ZNF44: variants seen among roughly 807,000 people sequenced by gnomAD.
ZNF44 encodes zinc finger protein 44, also known as gonadotropin inducible transcription repressor-2.
ZNF44 carries 9 observed loss-of-function variants against 11.7 expected under a neutral mutation model. The ratio of observed to expected loss-of-function variants is 0.77; its 90% CI spans 0.46 to 1.35. The LOEUF is 1.35. Ranked by LOEUF, ZNF44 falls within the 40% of genes most tolerant of loss-of-function variation. The pLI is 0.00. For missense variants in ZNF44, 696 were observed against 743.1 expected, an observed-to-expected ratio of 0.94 and a Z score of 0.74; for synonymous variants, 224 against 242.7, an observed-to-expected ratio of 0.92 and a Z score of 0.72.
intron 5 of ZNF44, among the ~76,000 whole-genome samples, chr19:12,251,817 C>T (rs538295971): frequency 1.0e-3 from 154 of 152,088 alleles, no homozygotes; most frequent in African/African-American, 3.5e-3. Context: ...TTTGGGGGGC[C>T]GAGGCAGGCA....
chr19:12,259,928 C>A (rs1917430359), intron 5 of ZNF44, among the ~76,000 whole-genome samples: 1 of 152,198 alleles, frequency 6.6e-6, no homozygotes. Flanking sequence ...CTAATGGCTG[C>A]TGTTCCCCAC....
intron 1 of ZNF44, among the ~76,000 whole-genome samples, chr19:12,235,233 G>C (rs1245375172): frequency 6.6e-6 from 1 of 152,148 alleles, no homozygotes; most frequent in Non-Finnish European, 1.5e-5. Context: ...GCCGGGCGTG[G>C]TAGCAGGCGC....
chr19:12,233,550 C>CAAAAA (rs58060175), intron 2 of ZNF44, among the ~76,000 whole-genome samples: 1 of 80,836 alleles, frequency 1.2e-5, no homozygotes, highest in Non-Finnish European at 2.6e-5. Context: ...ACCCATACAT[C>CAAAAA]AAAAAAAAAA....
intron 7 of ZNF44, among the ~76,000 whole-genome samples, chr19:12,249,728 T>C (rs1012638258): frequency 6.6e-6 from 1 of 151,892 alleles, no homozygotes; most frequent in Non-Finnish European, 1.5e-5. Context: ...AATTTTGTAT[T>C]TTTAGTAGAG....
At chr19:12,293,246 G>A in intron 1 of ZNF44, 2 of 1,536,592 alleles carry the variant, frequency 1.3e-6, no homozygotes, top group Non-Finnish European at 1.7e-6. Context: ...TCCTTTGGGA[G>A]GCCCCACTCC....
chr19:12,273,701 C>G lies in ZNF44; in HGVS notation c.554G>C (p.Arg185Pro). 1 of 1,614,150 alleles carries G rather than the reference C, an allele frequency of 6.2e-7. No homozygotes were observed. The highest frequency in any genetic ancestry group is 8.5e-7 in the Non-Finnish European group (1 of 1,180,016). The stretch of plus-strand genomic sequence containing the variant: ...TCCACCTTTTACTACCATATGTCTT[C>G]GAAGGTTTCCAGGAGAACTGAAGGT... ...GKTFSSPGNL[R>P]RHMVVKGGDG... The change falls in exon 4 of 4, where the codon CGA (arginine) becomes CCA (proline). Residue 185 changes from arginine to proline, a missense_variant. Arg to Pro is a moderately radical substitution (Grantham distance 103). Transcript: ENST00000355684.
exon 6 of ZNF44, chr19:12,250,331 G>A (rs758913897): frequency 7.3e-7 from 1 of 1,366,312 alleles, no homozygotes; most frequent in Non-Finnish European, 9.8e-7. Flanking sequence ...TTCCTCCTGG[G>A]TGAAGTTCAC....
intron 5 of ZNF44, among the ~76,000 whole-genome samples, chr19:12,254,763 AAAAT>A (rs1917172600): frequency 6.6e-6 from 1 of 151,636 alleles, no homozygotes; most frequent in Admixed American, 6.6e-5. Context: ...AATAAAATAA[AAAAT>A]AAATGAATGA....
At chr19:12,293,305 A>C in intron 1 of ZNF44, 2 of 1,536,966 alleles carry the variant, frequency 1.3e-6, no homozygotes, top group Non-Finnish European at 1.7e-6. Context: ...GCCGATATCC[A>C]CTAGGCCCTC....
intron 2 of ZNF44, among the ~76,000 whole-genome samples, chr19:12,234,236 TAAC>T (rs1022517023): frequency 2.0e-5 from 3 of 152,198 alleles, no homozygotes; most frequent in African/African-American, 7.2e-5. Context: ...ATAAAAATAA[TAAC>T]ATCCATGTAT....
chr19:12,258,095 A>G lies in ZNF44; in HGVS notation c.1913-7727T>C, dbSNP rs1391320922. Among the ~76,000 whole-genome samples, 4 of 141,852 alleles carry G rather than the reference A, an allele frequency of 2.8e-5. No individual in the cohort carries two copies. The South Asian group carries it at 9.4e-4, about 34-fold the overall frequency. The allele number at this position is 141,852 out of a possible 152,430, so 93.1% of individuals were successfully genotyped here. ...TCCCAGCACTTTGGGAGGCTGAGGT[A>G]GGAGGACTGCTTGAGCCCAGGAGTT... On this transcript the variant is annotated intron_variant and NMD_transcript_variant, in intron 5 of 7. Coordinates refer to the ZNF44 transcript ENST00000393337.
At chr19:12,276,843 G>C (rs1279481750) in intron 1 of ZNF44, among the ~76,000 whole-genome samples, 1 of 152,076 alleles carries the variant, frequency 6.6e-6, no homozygotes, top group Non-Finnish European at 1.5e-5. Flanking sequence ...ATGAGGTTCT[G>C]GTGTCCTTAT....
In ZNF44 at chr19:12,280,839, A is replaced by T. The variant is rs73921440; in HGVS notation, c.4-4757T>A. Among the ~76,000 whole-genome samples, 860 of 152,346 alleles carry T rather than the reference A, an allele frequency of 5.6e-3. 6 individuals are homozygous for T. Among genetic ancestry groups the T allele is most frequent in the African/African-American group, 0.016 (656 of 41,586 alleles). On this transcript the variant is annotated intron_variant, in intron 1 of 3. Transcript: ENST00000355684. ...AGACAAATCAGGTTTTAGATTTTTTAAAAATTACAAGGGATAGAGAGATTT... is the reference window on the plus strand; with the variant it reads ...AGACAAATCAGGTTTTAGATTTTTTTAAAATTACAAGGGATAGAGAGATTT...
chr19:12,292,748 T>TTTGTC (rs1267341990), intron 1 of ZNF44, among the ~76,000 whole-genome samples: 1 of 151,952 alleles, frequency 6.6e-6, no homozygotes, highest in Non-Finnish European at 1.5e-5. Context: ...GCAGAAATCA[T>TTTGTC]TTGTCTTGTC....
At chr19:12,260,868 C>T (rs1373578031) in intron 5 of ZNF44, among the ~76,000 whole-genome samples, 1 of 152,148 alleles carries the variant, frequency 6.6e-6, no homozygotes, top group Non-Finnish European at 1.5e-5. Flanking sequence ...GGCCATAGAG[C>T]AGGTCAGCAA....
chr19:12,242,469 T>C (rs953259062), upstream of ZNF44, among the ~76,000 whole-genome samples: 65 of 147,768 alleles, frequency 4.4e-4, no homozygotes, highest in Non-Finnish European at 5.6e-4. Flanking sequence ...GAGATTGCAC[T>C]ACTGCACTCC....
At chr19:12,291,071 G>C (rs186729338) in intron 1 of ZNF44, 13 of 274,314 alleles carry the variant, frequency 4.7e-5, no homozygotes, top group Middle Eastern at 4.2e-4. Flanking sequence ...AAAAGCACAA[G>C]TATCTATCCA....
In ZNF44 at chr19:12,273,960, T is replaced by C; in HGVS notation, c.295A>G (p.Arg99Gly). The stretch of plus-strand genomic sequence containing the variant: ...ACACTGCTTCCACATGCATCTACTC[T>C]GGCGGGAGTGTTCTTGTTTACAATA... ...NSIVNKNTPA[R>G]VDACGSSVNG... is the part of the protein sequence containing the mutation. The change falls in exon 4 of 4, where the codon AGA (arginine) becomes GGA (glycine). Residue 99 changes from arginine to glycine, a missense_variant. Transcript: ENST00000355684. 6.2e-7 allele frequency: 1 copy of C among 1,614,198 alleles called. No individual in the cohort carries two copies. Among genetic ancestry groups the C allele is most frequent in the African/African-American group, 1.3e-5 (1 of 75,070 alleles).
chr19:12,273,455 G>C lies in ZNF44; in HGVS notation c.800C>G (p.Ser267Ter), dbSNP rs900974925. ...GTGAGTTCTTTCATGTCTTAGATAT[G>C]AACTGTAATCAGGGAAGGCTTTAGA... is the stretch of plus-strand genomic sequence containing the variant. ...QCSKAFPDYSSYLRHERTHTG... is the reference protein window; with the variant it reads ...QCSKAFPDYS The change falls in exon 4 of 4, where the codon TCA (serine) becomes TGA (stop). Residue 267 changes from serine (S) to a stop codon, truncating the protein, a stop_gained. Coordinates refer to ENST00000355684, the MANE Select transcript of ZNF44 (RefSeq NM_016264.4). LOFTEE classifies it low-confidence loss of function (END_TRUNC). 2 of 1,613,722 alleles carry C rather than the reference G, an allele frequency of 1.2e-6. No homozygotes were observed. Among genetic ancestry groups the C allele is most frequent in the Non-Finnish European group, 1.7e-6 (2 of 1,180,004 alleles).
Sources: allele counts gnomAD v4.1 joint callset (sites outside exome capture counted in the v4.1 genomes callset), GRCh38; gene constraint gnomAD v4.1.1; transcripts MANE v1.5; gene names NCBI Gene and HGNC (gene_info 2026-07-23, HGNC 2026-07-21).